The following AGBL4 variants were observed in gnomAD, a reference collection of about 807,000 sequenced individuals.
The protein encoded by AGBL4 is cytosolic carboxypeptidase 6.
Under a neutral mutation model 66.4 loss-of-function variants are expected in AGBL4, and 58 were observed. That is an observed-to-expected ratio of 0.87 (90% confidence interval 0.71 to 1.09). The LOEUF (loss-of-function observed/expected upper bound fraction) is 1.09. Ranked by LOEUF, AGBL4 falls within the 50% of genes least tolerant of loss-of-function variation. The pLI is 0.00. For synonymous variants in AGBL4, 234 were observed against 222.9 expected (o/e 1.05, Z -0.44); for missense variants, 579 against 631.0 (o/e 0.92, Z 0.88).
At chr1:49,384,644 A>G (rs1037711294) in intron 3 of AGBL4, among the ~76,000 whole-genome samples, 3 of 152,256 alleles carry the variant, frequency 2.0e-5, no homozygotes, top group African/African-American at 7.2e-5. Context: ...CAGGCATATG[A>G]AAAGATGTTT....
At chr1:48,835,856 A>G (rs1245994372) in intron 6 of AGBL4, among the ~76,000 whole-genome samples, 1 of 152,114 alleles carries the variant, frequency 6.6e-6, no homozygotes, top group Non-Finnish European at 1.5e-5. Context: ...CACAGAAACC[A>G]TGTAAATCAC....
intron 6 of AGBL4, among the ~76,000 whole-genome samples, chr1:48,749,544 A>G (rs1225378014): frequency 6.6e-6 from 1 of 152,072 alleles, no homozygotes; most frequent in Non-Finnish European, 1.5e-5. Flanking sequence ...TCTTTCCACT[A>G]CCCTACCCCT....
chr1:49,846,031 T>A, intron 2 of AGBL4: 2 of 1,592,822 alleles, frequency 1.3e-6, no homozygotes, highest in Non-Finnish European at 1.7e-6. Flanking sequence ...GAGCCTTCAG[T>A]CAGCTTGCTC....
Position 49,867,331 on chromosome 1 carries a change from T to TTA in AGBL4, c.35-15815_35-15814dup, listed in dbSNP as rs982795448. 4.2e-3 allele frequency among the ~76,000 whole-genome samples: 623 copies of TTA among 148,116 alleles called. 3 individuals carry two copies. The highest frequency in any genetic ancestry group is 9.8e-3 in the Admixed American group (145 of 14,776). On this transcript the variant is annotated intron_variant, in intron 1 of 13. Coordinates refer to ENST00000371839, the MANE Select transcript of AGBL4 (RefSeq NM_032785.4). ...TTTTGGGCTTCTTTTATATATATAT[T>TTA]TATATATATATATATTTGTTTATTA...
At chr1:49,144,236 G>C (rs2148103854) in intron 4 of AGBL4, among the ~76,000 whole-genome samples, 1 of 152,116 alleles carries the variant, frequency 6.6e-6, no homozygotes, top group East Asian at 1.9e-4. Flanking sequence ...GGCTATCAGT[G>C]GTCGCCAGGT....
chr1:48,603,918 C>A (rs1645113595), intron 9 of AGBL4, among the ~76,000 whole-genome samples: 1 of 151,906 alleles, frequency 6.6e-6, no homozygotes, highest in African/African-American at 2.4e-5. Flanking sequence ...CCAGCCTGGG[C>A]AAAACACTGT....
chr1:49,239,978 A>G lies in AGBL4; in HGVS notation c.377+5792T>C, dbSNP rs578116848. Among the ~76,000 whole-genome samples, 3 of 152,186 alleles carry G rather than the reference A, an allele frequency of 2.0e-5. No individual in the cohort carries two copies. The South Asian group carries it at 6.2e-4, about 32-fold the overall frequency. ...TATGACTTTTTTTAGCTATGAGAAA[A>G]AATTAAGTATGACTTTGTTTTACAA... On this transcript the variant is annotated intron_variant, in intron 4 of 13. Coordinates refer to ENST00000371839, the MANE Select transcript of AGBL4 (RefSeq NM_032785.4).
At chr1:49,695,701 C>G (rs1393666672) in intron 3 of AGBL4, among the ~76,000 whole-genome samples, 1 of 152,026 alleles carries the variant, frequency 6.6e-6, no homozygotes. Context: ...CTCCCTTGTC[C>G]TAAAATTCTG....
At chr1:49,949,930 T>C (rs546525537) in intron 1 of AGBL4, among the ~76,000 whole-genome samples, 166 of 148,388 alleles carry the variant, frequency 1.1e-3, no homozygotes, top group Non-Finnish European at 1.6e-3. Context: ...CAATTCACAA[T>C]TGCAAAAATG....
At chr1:48,707,043 C>T (rs1646892027) in intron 6 of AGBL4, among the ~76,000 whole-genome samples, 1 of 152,218 alleles carries the variant, frequency 6.6e-6, no homozygotes, top group African/African-American at 2.4e-5. Context: ...CCTGTAATCC[C>T]AGCACTTTGG....
chr1:48,754,019 G>T (rs776759262), intron 6 of AGBL4, among the ~76,000 whole-genome samples: 11 of 152,172 alleles, frequency 7.2e-5, no homozygotes, highest in African/African-American at 1.2e-4. Flanking sequence ...CTGAAGGCAA[G>T]GATTATGTCT....
chr1:49,487,969 T>A (rs1647104200), intron 3 of AGBL4, among the ~76,000 whole-genome samples: 2 of 151,932 alleles, frequency 1.3e-5, no homozygotes, highest in Admixed American at 1.3e-4. Context: ...CATTAGATTA[T>A]TTGTGTTTTT....
At chr1:48,592,083 C>T (rs1351715896) in intron 9 of AGBL4, among the ~76,000 whole-genome samples, 1 of 152,168 alleles carries the variant, frequency 6.6e-6, no homozygotes, top group Non-Finnish European at 1.5e-5. Context: ...ATATATCAGC[C>T]CAGCTTATAT....
chr1:48,681,336 G>C (rs1356168857), intron 6 of AGBL4, among the ~76,000 whole-genome samples: 4 of 152,198 alleles, frequency 2.6e-5, no homozygotes, highest in Admixed American at 2.0e-4. Context: ...TGCCCTTGTA[G>C]GTGTGAAGAG....
At chr1:48,523,292 C>G in the AGBL4 span, among the ~76,000 whole-genome samples, 1 of 152,182 alleles carries the variant, frequency 6.6e-6, no homozygotes, top group Non-Finnish European at 1.5e-5. Flanking sequence ...TGTCCCCATC[C>G]CCTTCCTATT....
intron 3 of AGBL4, among the ~76,000 whole-genome samples, chr1:49,516,071 C>T (rs1010167290): frequency 4.0e-5 from 6 of 151,290 alleles, no homozygotes; most frequent in African/African-American, 1.5e-4. Context: ...ACTGCCCCCC[C>T]CCACAAAAAA....
chr1:48,742,727 G>A, intron 6 of AGBL4: 1 of 1,608,660 alleles, frequency 6.2e-7, no homozygotes, highest in Non-Finnish European at 8.5e-7. Flanking sequence ...TCCGGCTCGG[G>A]CTCGAGACAT....
At chr1:49,658,586 T>C (rs1390669163) in intron 3 of AGBL4, among the ~76,000 whole-genome samples, 1 of 152,252 alleles carries the variant, frequency 6.6e-6, no homozygotes, top group East Asian at 1.9e-4. Context: ...CTACTCACAA[T>C]AGCAAAGACT....
intron 3 of AGBL4, among the ~76,000 whole-genome samples, chr1:49,647,749 A>T (rs1011130235): frequency 6.6e-6 from 1 of 151,962 alleles, no homozygotes; most frequent in Non-Finnish European, 1.5e-5. Flanking sequence ...GACTTGAGAG[A>T]AGGGGAATAC....
Sources: gnomAD v4.1 joint callset for allele counts (sites outside exome capture counted in the v4.1 genomes callset) on GRCh38, gnomAD v4.1.1 for gene constraint, MANE v1.5 for transcripts, NCBI Gene and HGNC (gene_info 2026-07-23, HGNC 2026-07-21) for gene names.